The following DUSP3 variants were observed in gnomAD, a reference collection of about 807,000 sequenced individuals.
DUSP3 encodes the protein dual specificity phosphatase 3.
DUSP3 carries 7 observed loss-of-function variants against 15.5 expected under a neutral mutation model. The observed-to-expected ratio is 0.45, with a 90% CI of 0.26 to 0.85. The LOEUF (loss-of-function observed/expected upper bound fraction) is 0.85, where lower values mean the gene tolerates loss of function less well. Ranked by LOEUF, DUSP3 falls within the 40% of genes least tolerant of loss-of-function variation. The pLI is 0.18. For synonymous variants in DUSP3, 86 were observed against 104.2 expected (o/e 0.83, Z 1.07); for missense variants, 209 against 251.7 (o/e 0.83, Z 1.15).
Position 43,769,675 on chromosome 17 carries a change from A to T in DUSP3, c.492T>A (p.Asp164Glu). The change falls in exon 3 of 3, where the codon GAT becomes GAA. Residue 164 changes from aspartate to glutamate, a missense_variant. Coordinates refer to ENST00000226004, the MANE Select transcript of DUSP3 (RefSeq NM_004090.4). ...VRQNREIGPN[D>E]GFLAQLCQLN... is the part of the protein sequence containing the mutation. Reference sequence around the variant, plus strand: ...GCTGGCAGAGCTGGGCCAGGAAGCCATCGTTGGGGCCGATCTCACGGTTCT... The same window carrying T: ...GCTGGCAGAGCTGGGCCAGGAAGCCTTCGTTGGGGCCGATCTCACGGTTCT... The T allele has an allele frequency of 6.2e-7, 1 of 1,613,388 alleles. No homozygotes were observed. Among genetic ancestry groups the T allele is most frequent in the Non-Finnish European group, 8.5e-7 (1 of 1,179,938 alleles).
intron 2 of DUSP3, chr17:43,774,136 G>T: frequency 3.9e-6 from 1 of 257,032 alleles, no homozygotes; most frequent in Non-Finnish European, 7.4e-6. Context: ...AAAAAAAAAA[G>T]GAGAGAGAGA....
intron 2 of DUSP3, among the ~76,000 whole-genome samples, chr17:43,771,014 GTGTGTGTA>G (rs1032351972): frequency 4.7e-5 from 7 of 148,014 alleles, no homozygotes; most frequent in African/African-American, 1.8e-4. Flanking sequence ...GTGTGTGTGT[GTGTGTGTA>G]TGTGTGTGTA....
intron 2 of DUSP3, among the ~76,000 whole-genome samples, chr17:43,771,044 A>ATG (rs200252025): frequency 0.03 from 4,500 of 151,528 alleles, 96 homozygotes; most frequent in South Asian, 0.07. Flanking sequence ...ATATATATAT[A>ATG]TAAATAGACA....
chr17:43,775,031 C>A, intron 1 of DUSP3, 93 bp from the exon 2 acceptor site: 1 of 1,304,386 alleles, frequency 7.7e-7, no homozygotes, highest in Non-Finnish European at 1.1e-6. Flanking sequence ...CTTAGCAAAG[C>A]AAGGAAACCC....
chr17:43,773,339 A>T (rs969362286), intron 2 of DUSP3, among the ~76,000 whole-genome samples: 16 of 152,072 alleles, frequency 1.1e-4, no homozygotes, highest in African/African-American at 3.9e-4. Flanking sequence ...TAAAGGGAGG[A>T]GCTGAGAGAA....
In DUSP3 at chr17:43,774,696, G is replaced by A. The variant is rs1567782504; in HGVS notation, c.352+16C>T. On this transcript the variant is annotated intron_variant, in intron 2 of 2. Transcript: ENST00000226004. ...CAGAGCTGCCTCCCATCTTTTCCTG[G>A]TGGGAGGTCCCTTACCATTCTTTTG... 1.9e-6 allele frequency: 3 copies of A among 1,613,450 alleles called. No homozygotes were observed. Among genetic ancestry groups the A allele is most frequent in the South Asian group, 1.1e-5 (1 of 91,068 alleles).
intron 1 of DUSP3, among the ~76,000 whole-genome samples, chr17:43,776,774 C>T (rs1258396798): frequency 1.3e-5 from 2 of 152,168 alleles, no homozygotes; most frequent in Non-Finnish European, 2.9e-5. Context: ...CCCAAGCAAG[C>T]GGGATTCCTG....
In DUSP3 at chr17:43,766,445, A is replaced by G. The variant is rs1023708614; in HGVS notation, c.*3164T>C. 1.3e-5 allele frequency: 2 copies of G among 152,258 alleles called. No homozygotes were observed. Among genetic ancestry groups the G allele is most frequent in the African/African-American group, 4.8e-5 (2 of 41,442 alleles). The allele number at this position is 152,258 out of a possible 1,614,324, so 9.4% of individuals were successfully genotyped here. A position where few individuals can be genotyped will look rare whatever the true frequency, so the allele number is the denominator to read the frequency against. ...GATTCCTGACACCAGTTCTGTGAAA[A>G]AGAAAATTTCCTGCGAGAAAAGCTC... On this transcript the variant is annotated 3_prime_UTR_variant, in exon 3 of 3. Transcript: ENST00000226004.
chr17:43,771,471 T>C (rs113837349), intron 2 of DUSP3, among the ~76,000 whole-genome samples: 41 of 152,240 alleles, frequency 2.7e-4, no homozygotes, highest in African/African-American at 9.4e-4. Flanking sequence ...CCACCTAACC[T>C]CAAGGTGCCT....
At chr17:43,778,695 G>A in intron 1 of DUSP3, 105 bp downstream of exon 1, 1 of 1,331,042 alleles carries the variant, frequency 7.5e-7, no homozygotes, top group Non-Finnish European at 9.7e-7. Flanking sequence ...GGGCCATCGC[G>A]CCCGGGCTCC....
Position 43,771,020 on chromosome 17 carries a change from GTA to G in DUSP3, c.353-1208_353-1207del, listed in dbSNP as rs1555575217. Among the ~76,000 whole-genome samples the G allele has an allele frequency of 3.9e-3, 517 of 131,098 alleles. 4 individuals are homozygous for G. Among genetic ancestry groups the G allele is most frequent in the African/African-American group, 0.014 (494 of 36,118 alleles). The allele number at this position is 131,098 out of a possible 152,430, so 86.0% of individuals were successfully genotyped here. On this transcript the variant is annotated intron_variant, in intron 2 of 2. Transcript: ENST00000226004. ...TGTGTGTGTGTGTGTGTGTGTGTGT[GTA>G]TGTGTGTGTATATATATATATATAA...
At chr17:43,771,748 C>T (rs1257035188) in intron 2 of DUSP3, among the ~76,000 whole-genome samples, 1 of 152,160 alleles carries the variant, frequency 6.6e-6, no homozygotes, top group African/African-American at 2.4e-5. Context: ...GTGGCTCACA[C>T]CTATAATCCC....
rs1190204839 is a variant in DUSP3 at position 43,767,588 on chromosome 17, T to A, written c.*2021A>T. Reference sequence around the variant, plus strand: ...TCATTCTGAACCTCAGTTCCTTTTTTTTAAAAAAGGTCACAATACAAGAAC... The same window carrying A: ...TCATTCTGAACCTCAGTTCCTTTTTATTAAAAAAGGTCACAATACAAGAAC... On this transcript the variant is annotated 3_prime_UTR_variant, in exon 3 of 3. Transcript: ENST00000226004. 1 of 152,372 alleles carries A rather than the reference T, an allele frequency of 6.6e-6. No individual in the cohort carries two copies. Among genetic ancestry groups the A allele is most frequent in the Non-Finnish European group, 1.5e-5 (1 of 68,012 alleles). The allele number at this position is 152,372 out of a possible 1,614,324, so 9.4% of individuals were successfully genotyped here. A position where few individuals can be genotyped will look rare whatever the true frequency, so the allele number is the denominator to read the frequency against.
chr17:43,775,908 C>T (rs1974381660), intron 1 of DUSP3, among the ~76,000 whole-genome samples: 2 of 152,064 alleles, frequency 1.3e-5, no homozygotes, highest in South Asian at 2.1e-4. Context: ...GTCAGGAGTT[C>T]GGGACCAGCC....
chr17:43,774,286 A>G (rs1185252777), intron 2 of DUSP3, among the ~76,000 whole-genome samples: 2 of 152,036 alleles, frequency 1.3e-5, no homozygotes, highest in African/African-American at 4.8e-5. Flanking sequence ...AGAGAAAGGG[A>G]AAGGGCCTGG....
intron 1 of DUSP3, among the ~76,000 whole-genome samples, chr17:43,777,255 G>A (rs1974400515): frequency 6.6e-6 from 1 of 152,214 alleles, no homozygotes; most frequent in African/African-American, 2.4e-5. Flanking sequence ...TTACAGGCGT[G>A]AGCCATCGTG....
chr17:43,771,022 A>G (rs199702496), intron 2 of DUSP3, among the ~76,000 whole-genome samples: 42 of 107,706 alleles, frequency 3.9e-4, no homozygotes, highest in African/African-American at 1.3e-3. Context: ...GTGTGTGTGT[A>G]TGTGTGTGTA....
At chr17:43,770,064 C>T (rs768285097) in intron 2 of DUSP3, among the ~76,000 whole-genome samples, 11 of 152,124 alleles carry the variant, frequency 7.2e-5, no homozygotes, top group African/African-American at 1.2e-4. Flanking sequence ...CTGTGCGGCA[C>T]GGCGGTATCT....
Sources: allele counts gnomAD v4.1 joint callset (sites outside exome capture counted in the v4.1 genomes callset), GRCh38; gene constraint gnomAD v4.1.1; transcripts MANE v1.5; gene names NCBI Gene and HGNC (gene_info 2026-07-23, HGNC 2026-07-21).